The following HSPG2 variants were observed in gnomAD, a reference collection of about 807,000 sequenced individuals.
HSPG2 encodes the protein heparan sulfate proteoglycan 2.
HSPG2 carries 278 observed loss-of-function variants against 526.6 expected under a neutral mutation model. The observed-to-expected ratio is 0.53, with a 90% CI of 0.48 to 0.58. HSPG2 has a LOEUF of 0.58. Among genes scored for constraint, HSPG2 ranks in the 20% least tolerant of loss-of-function variants. The pLI, the probability that HSPG2 is intolerant of heterozygous loss-of-function variation, is 0.00. For synonymous variants in HSPG2, 2,465 were observed against 2,555.4 expected, an observed-to-expected ratio of 0.96 and a Z score of 1.07; for missense variants, 5,354 against 6,099.5, an observed-to-expected ratio of 0.88 and a Z score of 4.07.
chr1:21,894,183 G>A (rs559819928), intron 3 of HSPG2, among the ~76,000 whole-genome samples: 37 of 152,192 alleles, frequency 2.4e-4, no homozygotes, highest in African/African-American at 7.7e-4. Flanking sequence ...TATCAGGGAC[G>A]GGTCTTGACA....
rs1403934715 is a variant in HSPG2, at chr1:21,850,124, C to G, written c.7363G>C (p.Asp2455His). Residue 2455 changes from aspartate to histidine, a missense_variant, in exon 57 of 97, where the codon GAC becomes CAC. Asp to His is a moderately conservative substitution (Grantham distance 81, BLOSUM62 -1). Coordinates refer to ENST00000374695, the MANE Select transcript of HSPG2 (RefSeq NM_005529.7). ...TGACCAGCAACGAGGCAGTTCAGGT[C>G]CAGGGTCTGCCCCTCGGCCACTTGC... is the stretch of plus-strand genomic sequence containing the variant. The part of the protein sequence containing the change: ...SSQVAEGQTL[D>H]LNCLVAGQAH... 3 of 1,613,292 alleles carry G rather than the reference C, an allele frequency of 1.9e-6. No individual in the cohort carries two copies. Among genetic ancestry groups the G allele is most frequent in the Non-Finnish European group, 2.5e-6 (3 of 1,180,028 alleles).
intron 85 of HSPG2, 140 bp downstream of exon 85, chr1:21,830,842 A>C (rs1167919501): frequency 3.0e-6 from 2 of 657,080 alleles, no homozygotes; most frequent in East Asian, 2.7e-5. Context: ...GGATGGGTAC[A>C]TGGGAGGAGT....
rs539982614 is a variant in HSPG2 at position 21,934,909 on chromosome 1, ATTGT to A, written c.63+2242_63+2245del. On this transcript the variant is annotated intron_variant, in intron 1 of 96. Coordinates refer to ENST00000374695, the MANE Select transcript of HSPG2 (RefSeq NM_005529.7). Reference sequence around the variant, plus strand: ...CGCGCCTGGCCCCGAAAAACTTTTTATTGTTTGTTTGTTTTGAGGCGGAGTCTCA... The same window carrying A: ...CGCGCCTGGCCCCGAAAAACTTTTTATTGTTTGTTTTGAGGCGGAGTCTCA... 1.2e-3 allele frequency among the ~76,000 whole-genome samples: 169 copies of A among 142,380 alleles called. 2 individuals carry two copies. The highest frequency in any genetic ancestry group is 1.2e-3 in the Non-Finnish European group (77 of 65,676). 93.4% of individuals were successfully genotyped at this position (142,380 alleles called of 152,430 possible). A position where few individuals can be genotyped will look rare whatever the true frequency, so the allele number is the denominator to read the frequency against.
chr1:21,828,047 C>A lies in HSPG2; in HGVS notation c.12515G>T (p.Gly4172Val). ...TRCLCLPGFS[G>V]PRCQQGSGHG... ...CTGGGTACCTTGTTGGCAGCGTGGG[C>A]CAGAGAAGCCAGGGAGGCAGAGGCA... Residue 4172 changes from glycine to valine, a missense_variant, in exon 90 of 97, where the codon GGC becomes GTC. By Grantham distance (109) the Gly-to-Val change is moderately radical. Coordinates refer to ENST00000374695, the MANE Select transcript of HSPG2 (RefSeq NM_005529.7). This position sits in a 1 kb window ranked among gnomAD's most constrained non-coding sequence, Gnocchi z 6.0. 6.2e-7 allele frequency: 1 copy of A among 1,613,560 alleles called. No individual in the cohort carries two copies. Among genetic ancestry groups the A allele is most frequent in the Non-Finnish European group, 8.5e-7 (1 of 1,179,988 alleles).
At position 21,887,167 on chromosome 1, in the gene HSPG2, C is replaced by G. The variant is rs780286538; in HGVS notation, c.1078+48G>C. The G allele has an allele frequency of 6.8e-7, 1 of 1,468,236 alleles. No homozygotes were observed. Among genetic ancestry groups the G allele is most frequent in the Non-Finnish European group, 9.3e-7 (1 of 1,074,310 alleles). The allele number at this position is 1,468,236 out of a possible 1,614,324, so 91.0% of individuals were successfully genotyped here. ...GAGTGGAAGGCGGGGCAGGAGCAAG[C>G]GGCCTGGGCAGGGCAAGGGGGCCTC... is the stretch of plus-strand genomic sequence containing the variant. On this transcript the variant is annotated intron_variant, in intron 9 of 96. Transcript: ENST00000374695. This position sits in a 1 kb window ranked among gnomAD's most constrained non-coding sequence, Gnocchi z 5.0.
At chr1:21,863,544 G>T (rs1268084415) in intron 37 of HSPG2, among the ~76,000 whole-genome samples, 1 of 151,822 alleles carries the variant, frequency 6.6e-6, no homozygotes, top group African/African-American at 2.4e-5. Flanking sequence ...GCGTACCCTG[G>T]GGGGCTATAT....
At position 21,920,181 on chromosome 1, in the gene HSPG2, A is replaced by T. The variant is rs998531121; in HGVS notation, c.63+16974T>A. On this transcript the variant is annotated intron_variant, in intron 1 of 96. Transcript: ENST00000374695. ...CTTGGCCTCCCAAAGTGCTGGGATT[A>T]CAGGCGTGAGCCACCGTGCGTGGCT... Among the ~76,000 whole-genome samples, 6 of 152,354 alleles carry T rather than the reference A, an allele frequency of 3.9e-5. No individual in the cohort carries two copies. In the East Asian group the frequency reaches 9.6e-4, roughly 24 times the overall value.
rs758378141 is a variant in HSPG2 at position 21,880,546 on chromosome 1, T to C, written c.2012A>G (p.His671Arg). 8.7e-6 allele frequency: 14 copies of C among 1,613,496 alleles called. 1 individual carries two copies. In the Middle Eastern group the frequency reaches 1.6e-3, roughly 190 times the overall value. ...QVQFSEEHWV[H>R]ESGRPVQRAE... ...GCGCTGCACCGGCCGGCCAGACTCA[T>C]GGACCCAGTGCTCCTGGGTATGGGT... is the stretch of plus-strand genomic sequence containing the variant. The change falls in exon 16 of 97, where the codon CAT becomes CGT. Residue 671 changes from histidine to arginine, a missense_variant. By Grantham distance (29) the His-to-Arg change is conservative. Coordinates refer to ENST00000374695, the MANE Select transcript of HSPG2 (RefSeq NM_005529.7).
chr1:21,885,150 G>C lies in HSPG2; in HGVS notation c.1218C>G (p.Pro406=). ...ACTCCCGGGGAGGTGTCACCACCTG[G>C]GGGGGCACTGAGGAGACCAGGGCAG... ...DRSDEFGCMP[P]QVVTPPRESI... is the part of the protein sequence containing the mutation. The change falls in exon 11 of 97, where the codon CCC becomes CCG. Residue 406 remains proline (P), a synonymous_variant. Transcript: ENST00000374695. The C allele has an allele frequency of 1.2e-6, 2 of 1,608,762 alleles. No individual in the cohort carries two copies. Among genetic ancestry groups the C allele is most frequent in the Non-Finnish European group, 1.7e-6 (2 of 1,177,398 alleles).
chr1:21,856,025 G>T, intron 44 of HSPG2, 113 bp from the exon 45 acceptor site: 1 of 1,421,516 alleles, frequency 7.0e-7, no homozygotes, highest in Non-Finnish European at 9.5e-7. Flanking sequence ...ACGGCCATCT[G>T]TGCACACAGG....
chr1:21,880,070 C>T, intron 17 of HSPG2, 37 bp downstream of exon 17: 1 of 1,612,170 alleles, frequency 6.2e-7, no homozygotes, highest in Non-Finnish European at 8.5e-7. Context: ...GTCCCTTCTC[C>T]TATTTTAGTG....
chr1:21,854,324 C>A lies in HSPG2; in HGVS notation c.6308G>T (p.Arg2103Leu). 1 of 1,571,692 alleles carries A rather than the reference C, an allele frequency of 6.4e-7. No homozygotes were observed. The highest frequency in any genetic ancestry group is 2.3e-5 in the East Asian group (1 of 43,332). Residue 2103 changes from arginine (R) to leucine (L), a missense_variant, in exon 50 of 97, where the codon CGG becomes CTG. Coordinates refer to ENST00000374695, the MANE Select transcript of HSPG2 (RefSeq NM_005529.7). Reference sequence around the variant, plus strand: ...ATCAGCTGGTGAGACCTGGGGGAGCCGCAGACGGGAGCCGTGCACCTGGGC... The same window carrying A: ...ATCAGCTGGTGAGACCTGGGGGAGCAGCAGACGGGAGCCGTGCACCTGGGC... Reference protein sequence around the residue: ...PHTQVHGSRLRLPQVSPADSG... With the variant: ...PHTQVHGSRLLLPQVSPADSG...
intron 9 of HSPG2, among the ~76,000 whole-genome samples, chr1:21,886,943 G>A (rs987132546): frequency 2.0e-5 from 3 of 152,124 alleles, no homozygotes; most frequent in Admixed American, 6.5e-5. Context: ...AAGAAATGAC[G>A]AGACACGAAC....
intron 29 of HSPG2, among the ~76,000 whole-genome samples, chr1:21,873,625 A>G (rs939075058): frequency 4.6e-5 from 7 of 152,176 alleles, no homozygotes; most frequent in African/African-American, 1.7e-4. Context: ...TGGGGCAGGT[A>G]GGAACCCAGG....
chr1:21,917,482 T>A (rs201517231), intron 1 of HSPG2, among the ~76,000 whole-genome samples: 54 of 135,030 alleles, frequency 4.0e-4, no homozygotes, highest in African/African-American at 1.1e-3. Context: ...AATAAATAAA[T>A]AAAAATAAAA....
chr1:21,855,577 G>C lies in HSPG2; in HGVS notation c.5800C>G (p.Arg1934Gly), dbSNP rs773522442. ...EPTDQAQYLC[R>G]AHSSAGQQVA... The stretch of plus-strand genomic sequence containing the variant: ...TGCTGCCCAGCGCTGCTGTGGGCTC[G>C]GCACAAGTACTGGGCCTGATCCGTG... Residue 1934 changes from arginine to glycine, a missense_variant, in exon 46 of 97, where the codon CGA (arginine) becomes GGA (glycine). Coordinates refer to ENST00000374695, the MANE Select transcript of HSPG2 (RefSeq NM_005529.7). The C allele has an allele frequency of 1.3e-6, 2 of 1,595,848 alleles. No individual in the cohort carries two copies. Among genetic ancestry groups the C allele is most frequent in the Non-Finnish European group, 1.7e-6 (2 of 1,173,056 alleles).
rs200930800 is a variant in HSPG2, at chr1:21,887,406, C to T, written c.958+14G>A. ...CTGCTCCCCGCACCCACCTGCACCCCTGCCGGTGCGCACCACAGTCTAGCT... is the reference window on the plus strand; with the variant it reads ...CTGCTCCCCGCACCCACCTGCACCCTTGCCGGTGCGCACCACAGTCTAGCT... On this transcript the variant is annotated intron_variant, in intron 8 of 96. Transcript: ENST00000374695. The surrounding 1 kb of genome is among the most constrained non-coding windows in gnomAD (Gnocchi z 5.0). 8.8e-4 allele frequency: 1,417 copies of T among 1,613,996 alleles called. 2 individuals are homozygous for T. The highest frequency in any genetic ancestry group is 9.7e-4 in the Non-Finnish European group (1,141 of 1,179,954).
intron 1 of HSPG2, among the ~76,000 whole-genome samples, chr1:21,897,765 CTGGG>C (rs1363270710): frequency 6.6e-6 from 1 of 152,092 alleles, no homozygotes; most frequent in East Asian, 1.9e-4. Flanking sequence ...CTGGGGGTGA[CTGGG>C]AAGGGGGCAC....
Position 21,840,001 on chromosome 1 carries a change from G to A in HSPG2, c.9530C>T (p.Pro3177Leu). The change falls in exon 72 of 97, where the codon CCA (proline) becomes CTA (leucine). Residue 3177 changes from proline to leucine, a missense_variant. Physicochemically the swap from Pro to Leu is moderately conservative, Grantham distance 98. Coordinates refer to ENST00000374695, the MANE Select transcript of HSPG2 (RefSeq NM_005529.7). ...GCACACATAAGTGCCCGCATCTGAT[G>A]GTTTAGCTGATGAAATCTGGGAGAA... is the stretch of plus-strand genomic sequence containing the variant. ...HAVLQISSAK[P>L]SDAGTYVCLA... 1 of 1,614,168 alleles carries A rather than the reference G, an allele frequency of 6.2e-7. No individual in the cohort carries two copies. The highest frequency in any genetic ancestry group is 8.5e-7 in the Non-Finnish European group (1 of 1,180,012).
Sources: allele counts gnomAD v4.1 joint callset (sites outside exome capture counted in the v4.1 genomes callset), GRCh38; gene constraint gnomAD v4.1.1; non-coding constraint Gnocchi (gnomAD v3.1); transcripts MANE v1.5; gene names NCBI Gene and HGNC (gene_info 2026-07-23, HGNC 2026-07-21).